TBC1D32: variants seen among roughly 807,000 people sequenced by gnomAD.
TBC1D32 encodes the protein protein broad-minded.
TBC1D32 carries 151 observed loss-of-function variants against 170.3 expected under a neutral mutation model. The observed-to-expected ratio is 0.89, with a 90% CI of 0.78 to 1.01. The LOEUF (loss-of-function observed/expected upper bound fraction) is 1.01, where lower values mean the gene tolerates loss of function less well. Ranked by LOEUF, TBC1D32 falls within the 50% of genes least tolerant of loss-of-function variation. The probability of loss-of-function intolerance (pLI) is 0.00; values close to 1 mark genes in which losing one functional copy is unlikely to be tolerated. For missense variants in TBC1D32, 1,464 were observed against 1,457.1 expected, an observed-to-expected ratio of 1.00 and a Z score of -0.08; for synonymous variants, 498 against 488.0, an observed-to-expected ratio of 1.02 and a Z score of -0.27.
At chr6:121,117,265 C>T (rs941485127) in intron 26 of TBC1D32, among the ~76,000 whole-genome samples, 10 of 152,072 alleles carry the variant, frequency 6.6e-5, no homozygotes, top group Admixed American at 5.9e-4. Flanking sequence ...ATCGAACATC[C>T]ATTTTAAAAA....
At chr6:121,207,203 A>G (rs1792390855) in intron 21 of TBC1D32, among the ~76,000 whole-genome samples, 1 of 152,156 alleles carries the variant, frequency 6.6e-6, no homozygotes, top group Non-Finnish European at 1.5e-5. Flanking sequence ...GAGGTGAGAG[A>G]GGTTGCCAAT....
chr6:121,199,834 T>C (rs1323675817), intron 22 of TBC1D32, among the ~76,000 whole-genome samples: 1 of 151,588 alleles, frequency 6.6e-6, no homozygotes, highest in East Asian at 1.9e-4. Context: ...TTTGTTGTGA[T>C]GAAATACTAA....
intron 26 of TBC1D32, among the ~76,000 whole-genome samples, chr6:121,121,133 A>T: frequency 6.6e-6 from 1 of 152,058 alleles, no homozygotes; most frequent in East Asian, 1.9e-4. Context: ...AATATAATAA[A>T]ACTATCAAAA....
intron 31 of TBC1D32, among the ~76,000 whole-genome samples, chr6:121,084,101 C>A (rs1008905403): frequency 6.6e-6 from 1 of 152,094 alleles, no homozygotes; most frequent in Non-Finnish European, 1.5e-5. Flanking sequence ...CTGTTTACCC[C>A]ATCAAGGGTG....
chr6:121,183,339 T>C (rs1439520490), intron 22 of TBC1D32, among the ~76,000 whole-genome samples: 3 of 152,088 alleles, frequency 2.0e-5, no homozygotes, highest in Non-Finnish European at 4.4e-5. Flanking sequence ...CTAGTACCCT[T>C]GAGGATACGG....
chr6:121,120,741 C>A (rs1297306464), intron 26 of TBC1D32, among the ~76,000 whole-genome samples: 3 of 151,912 alleles, frequency 2.0e-5, no homozygotes, highest in Non-Finnish European at 4.4e-5. Context: ...GGTTGAATGA[C>A]ACAAGGTATA....
intron 22 of TBC1D32, among the ~76,000 whole-genome samples, chr6:121,193,132 G>A (rs1338466541): frequency 6.6e-6 from 1 of 152,176 alleles, no homozygotes; most frequent in African/African-American, 2.4e-5. Context: ...GGAAAATGGT[G>A]GGAGGAACAT....
At chr6:121,192,082 A>ATATC (rs57260767) in intron 22 of TBC1D32, among the ~76,000 whole-genome samples, 1 of 133,698 alleles carries the variant, frequency 7.5e-6, no homozygotes, top group African/African-American at 2.6e-5. Context: ...ATATATATAT[A>ATATC]TCCTATTAGT....
At chr6:121,281,740 T>A in intron 13 of TBC1D32, 54 bp from the exon 14 acceptor site, 1 of 1,403,590 alleles carries the variant, frequency 7.1e-7, no homozygotes, top group South Asian at 1.5e-5. Flanking sequence ...TTAGAACTAT[T>A]TTATGTTAGC....
At chr6:121,116,135 G>C (rs1165930317) in intron 26 of TBC1D32, among the ~76,000 whole-genome samples, 1 of 150,658 alleles carries the variant, frequency 6.6e-6, no homozygotes, top group Admixed American at 6.6e-5. Context: ...TAGTGGTAGA[G>C]AAGACCAAAA....
intron 26 of TBC1D32, among the ~76,000 whole-genome samples, chr6:121,124,380 T>C (rs1348612541): frequency 6.6e-6 from 1 of 152,134 alleles, no homozygotes; most frequent in East Asian, 1.9e-4. Context: ...TCTTGTCCTG[T>C]AAAGTATCTG....
At chr6:121,334,539 T>C (rs1223496604), upstream of TBC1D32, 4 of 1,341,942 alleles carry the variant, frequency 3.0e-6, no homozygotes, top group African/African-American at 6.0e-5. Context: ...GCGGCGTCGT[T>C]CCCAGGGATA....
Position 121,283,823 on chromosome 6 carries a change from T to G in TBC1D32, c.1460A>C (p.His487Pro), listed in dbSNP as rs1219316562. The G allele has an allele frequency of 8.8e-6, 14 of 1,599,614 alleles. No homozygotes were observed. The highest frequency in any genetic ancestry group is 1.1e-5 in the Non-Finnish European group (13 of 1,169,408). ...TAAAATAGAAACAGAATTACCTGAA[T>G]GGGCAGCTGATGTCATCTTTGGACA... ...PSCPKMTSAAHSENYSPASMV... is the reference protein window; with the variant it reads ...PSCPKMTSAAPSENYSPASMV... Residue 487 changes from histidine to proline, a missense_variant, in exon 13 of 32, where the codon CAT (histidine) becomes CCT (proline). By Grantham distance (77) the His-to-Pro change is moderately conservative. Transcript: ENST00000398212.
chr6:121,203,501 C>T (rs758648127), intron 22 of TBC1D32, among the ~76,000 whole-genome samples: 7 of 151,186 alleles, frequency 4.6e-5, no homozygotes, highest in Non-Finnish European at 8.8e-5. Flanking sequence ...ACAAAAACAG[C>T]ATAGATCAAG....
intron 15 of TBC1D32, among the ~76,000 whole-genome samples, chr6:121,272,919 C>T (rs1362758017): frequency 6.6e-6 from 1 of 152,168 alleles, no homozygotes; most frequent in Non-Finnish European, 1.5e-5. Flanking sequence ...CCATGGAATA[C>T]TACGCAGCCA....
chr6:121,178,564 T>A (rs537683332), intron 22 of TBC1D32, among the ~76,000 whole-genome samples: 1 of 152,290 alleles, frequency 6.6e-6, no homozygotes, highest in South Asian at 2.1e-4. Flanking sequence ...TGGCTCTGCA[T>A]TGTCCAGATT....
At chr6:121,316,902 T>C (rs1165227476) in intron 3 of TBC1D32, among the ~76,000 whole-genome samples, 1 of 152,134 alleles carries the variant, frequency 6.6e-6, no homozygotes, top group African/African-American at 2.4e-5. Flanking sequence ...GTGTACAAGT[T>C]CATGGCACAT....
intron 20 of TBC1D32, among the ~76,000 whole-genome samples, chr6:121,229,765 T>C (rs933680875): frequency 6.6e-6 from 1 of 152,078 alleles, no homozygotes; most frequent in African/African-American, 2.4e-5. Flanking sequence ...AGTGGTAGAG[T>C]TCTGATATGG....
At chr6:121,208,729 G>GAAAAAAAAA (rs57771111) in intron 21 of TBC1D32, among the ~76,000 whole-genome samples, 7,232 of 86,084 alleles carry the variant, frequency 0.084, 814 homozygotes, top group South Asian at 0.15. Flanking sequence ...GAAACACCTG[G>GAAAAAAAAA]AAAAAAAAAA....
Sources: gnomAD v4.1 joint callset for allele counts (sites outside exome capture counted in the v4.1 genomes callset) on GRCh38, gnomAD v4.1.1 for gene constraint, MANE v1.5 for transcripts, NCBI Gene and HGNC (gene_info 2026-07-23, HGNC 2026-07-21) for gene names.